The following ZNF570 variants were observed in gnomAD, a reference collection of about 807,000 sequenced individuals.
ZNF570 encodes the protein zinc finger protein 570.
In ZNF570, 8 loss-of-function variants were observed where a neutral mutation model predicts 14.2. The observed-to-expected ratio is 0.56, with a 90% CI of 0.33 to 1.02. ZNF570 has a LOEUF of 1.02. Among genes scored for constraint, ZNF570 ranks in the 50% least tolerant of loss-of-function variants. The pLI, the probability that ZNF570 is intolerant of heterozygous loss-of-function variation, is 0.03. For missense variants in ZNF570, 559 were observed against 624.9 expected (o/e 0.89, Z 1.12); for synonymous variants, 202 against 207.6 (o/e 0.97, Z 0.23).
intron 2 of ZNF570, among the ~76,000 whole-genome samples, chr19:37,474,266 G>T (rs1416690017): frequency 6.6e-6 from 1 of 151,934 alleles, no homozygotes; most frequent in Non-Finnish European, 1.5e-5. Flanking sequence ...AAGAATCAGT[G>T]GAAAATATGT....
chr19:37,480,064 C>T (rs1316122037), intron 4 of ZNF570, among the ~76,000 whole-genome samples: 4 of 152,120 alleles, frequency 2.6e-5, no homozygotes, highest in Non-Finnish European at 4.4e-5. Flanking sequence ...TGGTTTTTCT[C>T]CATCTCCTAA....
At position 37,485,208 on chromosome 19, in the gene ZNF570, A is replaced by T. The variant is rs2042141464; in HGVS notation, c.1586A>T (p.Asn529Ile). ...IHIGESLSPP[N>I]PVNHQVL The stretch of plus-strand genomic sequence containing the variant: ...ATTGGGGAGTCACTGTCACCACCCA[A>T]CCCAGTCAATCACCAAGTCCTATAG... The change falls in exon 5 of 5, where the codon AAC (asparagine) becomes ATC (isoleucine). Residue 529 changes from asparagine (N) to isoleucine (I), a missense_variant. Transcript: ENST00000330173. The T allele has an allele frequency of 6.4e-7, 1 of 1,556,478 alleles. No homozygotes were observed. Among genetic ancestry groups the T allele is most frequent in the Admixed American group, 2.0e-5 (1 of 50,258 alleles).
chr19:37,476,198 A>C, intron 3 of ZNF570, 141 bp from the exon 4 acceptor site: 3 of 1,259,096 alleles, frequency 2.4e-6, no homozygotes, highest in Non-Finnish European at 3.2e-6. Context: ...CATCTTCCTT[A>C]TCCTTCTAAT....
rs138060277 is a variant in ZNF570 at position 37,476,484 on chromosome 19, T to A, written c.256+50T>A. The A allele has an allele frequency of 1.4e-4, 227 of 1,580,832 alleles. No homozygotes were observed. The African/African-American group carries it at 2.7e-3, about 19-fold the overall frequency. Reference sequence around the variant, plus strand: ...AATCTTTGCACGTGACAGCTCAGCTTGACTCAAAGGTATCACCTCTTCACT... The same window carrying A: ...AATCTTTGCACGTGACAGCTCAGCTAGACTCAAAGGTATCACCTCTTCACT... On this transcript the variant is annotated intron_variant, in intron 4 of 4. Transcript: ENST00000330173.
chr19:37,488,629 A>G lies in ZNF570; in HGVS notation c.*3396A>G, dbSNP rs2042180573. ...TCTGTATAAACTATTTCATAATGCAAAAAAATAAAGAATATTTAAATGATG... is the reference window on the plus strand; with the variant it reads ...TCTGTATAAACTATTTCATAATGCAGAAAAATAAAGAATATTTAAATGATG... On this transcript the variant is annotated 3_prime_UTR_variant, in exon 5 of 5. Transcript: ENST00000330173. 6.6e-6 allele frequency: 1 copy of G among 152,150 alleles called. No homozygotes were observed. Among genetic ancestry groups the G allele is most frequent in the African/African-American group, 2.4e-5 (1 of 41,438 alleles). 9.4% of individuals were successfully genotyped at this position (152,150 alleles called of 1,614,324 possible). A position where few individuals can be genotyped will look rare whatever the true frequency, so the allele number is the denominator to read the frequency against.
chr19:37,475,344 G>C (rs1468792430), intron 2 of ZNF570, among the ~76,000 whole-genome samples: 1 of 152,168 alleles, frequency 6.6e-6, no homozygotes, highest in Non-Finnish European at 1.5e-5. Flanking sequence ...ACAAAATTTT[G>C]GGAACTCTGG....
At chr19:37,471,009 ATT>A (rs764609936) in intron 2 of ZNF570, among the ~76,000 whole-genome samples, 34 of 84,374 alleles carry the variant, frequency 4.0e-4, no homozygotes, top group East Asian at 1.1e-3. Flanking sequence ...CAGTGAGTAC[ATT>A]TTTTTTTTTT....
In ZNF570 at chr19:37,486,058, G is replaced by C. The variant is rs537431718; in HGVS notation, c.*825G>C. 3.3e-5 allele frequency: 5 copies of C among 150,766 alleles called. No homozygotes were observed. The highest frequency in any genetic ancestry group is 1.2e-4 in the African/African-American group (5 of 41,226). 9.3% of individuals were successfully genotyped at this position (150,766 alleles called of 1,614,324 possible). ...ACTCCGTCTCAAAATAAAAAGAAAA[G>C]AAGAGAAAAGAAAACACATGTTACT... On this transcript the variant is annotated 3_prime_UTR_variant, in exon 5 of 5. Coordinates refer to ENST00000330173, the MANE Select transcript of ZNF570 (RefSeq NM_144694.5).
intron 2 of ZNF570, among the ~76,000 whole-genome samples, chr19:37,471,165 C>G (rs2041957539): frequency 6.6e-5 from 10 of 151,608 alleles, no homozygotes; most frequent in Admixed American, 6.6e-4. Context: ...AGGCGCCCAC[C>G]ACCACGCCTG....
In ZNF570 at chr19:37,484,978, C is replaced by T. The variant is rs201249831; in HGVS notation, c.1356C>T (p.Ser452=). 6.2e-7 allele frequency: 1 copy of T among 1,614,054 alleles called. No homozygotes were observed. The highest frequency in any genetic ancestry group is 1.7e-5 in the Admixed American group (1 of 60,008). ...GTATTGAATGTGGGAAGGCTTTTAGCAATGACTCGTCCCTTACTCAACATC... is the reference window on the plus strand; with the variant it reads ...GTATTGAATGTGGGAAGGCTTTTAGTAATGACTCGTCCCTTACTCAACATC... ...YECIECGKAF[S]NDSSLTQHQR... The change falls in exon 5 of 5, where the codon AGC becomes AGT. Residue 452 remains serine, a synonymous_variant. Coordinates refer to ENST00000330173, the MANE Select transcript of ZNF570 (RefSeq NM_144694.5).
Position 37,485,390 on chromosome 19 carries a change from C to A in ZNF570, c.*157C>A. ...CTTTAAATCCATTTCCCACAATGCA[C>A]TCAAACGGATCTTTTTTTTCTTTTT... On this transcript the variant is annotated 3_prime_UTR_variant, in exon 5 of 5. Coordinates refer to ENST00000330173, the MANE Select transcript of ZNF570 (RefSeq NM_144694.5). 1.5e-6 allele frequency: 1 copy of A among 681,290 alleles called. No individual in the cohort carries two copies. Among genetic ancestry groups the A allele is most frequent in the Non-Finnish European group, 2.2e-6 (1 of 450,812 alleles). 42.2% of individuals were successfully genotyped at this position (681,290 alleles called of 1,614,324 possible).
intron 2 of ZNF570, among the ~76,000 whole-genome samples, chr19:37,470,695 CTTTTTTTT>C (rs760686313): frequency 5.4e-5 from 5 of 93,010 alleles, no homozygotes; most frequent in Non-Finnish European, 8.2e-5. Context: ...CTTATTTATT[CTTTTTTTT>C]TTTTTTTTTT....
upstream of ZNF570, among the ~76,000 whole-genome samples, chr19:37,468,285 C>T (rs940403019): frequency 6.6e-5 from 10 of 152,016 alleles, no homozygotes; most frequent in Non-Finnish European, 1.2e-4. Context: ...GATAAGGTCT[C>T]GCTATGTTGC....
intron 4 of ZNF570, among the ~76,000 whole-genome samples, chr19:37,481,557 C>T (rs2042088669): frequency 6.6e-6 from 1 of 152,150 alleles, no homozygotes; most frequent in Non-Finnish European, 1.5e-5. Flanking sequence ...TTCCTTGCAA[C>T]TTTTAAGAAC....
At chr19:37,470,889 G>A (rs1304132826) in intron 2 of ZNF570, among the ~76,000 whole-genome samples, 2 of 150,832 alleles carry the variant, frequency 1.3e-5, no homozygotes, top group South Asian at 2.1e-4. Context: ...TAGTAGAGAC[G>A]GGGTTTCACC....
Position 37,487,778 on chromosome 19 carries a change from C to T in ZNF570, c.*2545C>T, listed in dbSNP as rs2042172106. On this transcript the variant is annotated 3_prime_UTR_variant, in exon 5 of 5. Transcript: ENST00000330173. The stretch of plus-strand genomic sequence containing the variant: ...TTCTGAAATTTATGAGGTATAAATT[C>T]TTAAGAGCAGCAAGAAAAATTTCGA... 1 of 151,866 alleles carries T rather than the reference C, an allele frequency of 6.6e-6. No individual in the cohort carries two copies. The highest frequency in any genetic ancestry group is 2.4e-5 in the African/African-American group (1 of 41,330). The allele number at this position is 151,866 out of a possible 1,614,324, so 9.4% of individuals were successfully genotyped here. A position where few individuals can be genotyped will look rare whatever the true frequency, so the allele number is the denominator to read the frequency against.
rs990227750 is a variant in ZNF570 at position 37,484,833 on chromosome 19, A to G, written c.1211A>G (p.His404Arg). ...AGCCAGAATTCACACCTTGCTCAAC[A>G]TCAGAGAATTCATACTGGAGAAAAA... ...AFSQNSHLAQ[H>R]QRIHTGEKPY... Residue 404 changes from histidine to arginine, a missense_variant, in exon 5 of 5, where the codon CAT becomes CGT. Coordinates refer to ENST00000330173, the MANE Select transcript of ZNF570 (RefSeq NM_144694.5). 4.3e-6 allele frequency: 7 copies of G among 1,613,894 alleles called. No individual in the cohort carries two copies. The African/African-American group carries it at 9.4e-5, about 22-fold the overall frequency.
At position 37,483,391 on chromosome 19, in the gene ZNF570, C is replaced by T. The variant is rs1331039987; in HGVS notation, c.257-488C>T. The stretch of plus-strand genomic sequence containing the variant: ...ACCCTGATTTTCTTTCTCTGAAGCA[C>T]GTAGTATCTTCTAACATAAAATGAA... On this transcript the variant is annotated intron_variant, in intron 4 of 4. Coordinates refer to ENST00000330173, the MANE Select transcript of ZNF570 (RefSeq NM_144694.5). Among the ~76,000 whole-genome samples the T allele has an allele frequency of 4.6e-5, 7 of 152,172 alleles. No individual in the cohort carries two copies. The East Asian group carries it at 1.2e-3, about 25-fold the overall frequency.
At chr19:37,483,827 T>C in intron 4 of ZNF570, 52 bp from the exon 5 acceptor site, 1 of 1,501,956 alleles carries the variant, frequency 6.7e-7, no homozygotes, top group Non-Finnish European at 8.9e-7. Flanking sequence ...TTATTAAATG[T>C]ACTTTCTGAT....
Sources: allele counts gnomAD v4.1 joint callset (sites outside exome capture counted in the v4.1 genomes callset), GRCh38; gene constraint gnomAD v4.1.1; transcripts MANE v1.5; gene names NCBI Gene and HGNC (gene_info 2026-07-23, HGNC 2026-07-21).